Variants in SV2B observed in about 807,000 individuals in gnomAD.
The protein encoded by SV2B is solute carrier family 22 member B2.
A neutral mutation model predicts 73.9 loss-of-function variants in SV2B; 41 were observed. That is an observed-to-expected ratio of 0.56 (90% CI 0.43 to 0.72). The LOEUF (loss-of-function observed/expected upper bound fraction) is 0.72. SV2B is among the 30% of genes least tolerant of loss of function. The pLI is 0.00. For missense variants in SV2B, 764 were observed against 857.8 expected (o/e 0.89, Z 1.37); for synonymous variants, 314 against 314.2 (o/e 1.00, Z 0.01).
chr15:91,209,107 GTTTTTTGTTT>G (rs1392870923), intron 1 of SV2B, among the ~76,000 whole-genome samples: 2,261 of 121,592 alleles, frequency 0.019, 39 homozygotes, highest in African/African-American at 0.077. Context: ...TGGCAGTACT[GTTTTTTGTTT>G]TTTTTTTTTT....
At chr15:91,143,967 C>T (rs901719245) in intron 1 of SV2B, among the ~76,000 whole-genome samples, 7 of 152,124 alleles carry the variant, frequency 4.6e-5, no homozygotes, top group African/African-American at 1.7e-4. Context: ...GCCTTTAAGA[C>T]ACAATACTCT....
chr15:91,282,847 C>A (rs987065980), intron 10 of SV2B, among the ~76,000 whole-genome samples: 12 of 152,180 alleles, frequency 7.9e-5, no homozygotes, highest in Non-Finnish European at 1.2e-4. Flanking sequence ...TTCATTCTGG[C>A]ACTAACCTTC....
chr15:91,270,870 CGGACGGTGAATCTTGTGGATGATGGGA>C (rs2048278991), intron 9 of SV2B, among the ~76,000 whole-genome samples: 4 of 68,508 alleles, frequency 5.8e-5, no homozygotes, highest in African/African-American at 9.9e-5. Context: ...GGATGATGGG[CGGACGGTGAATCTTGTGGATGATGGGA>C]GGACGGTGAG....
chr15:91,210,814 G>C (rs566788859), intron 1 of SV2B, among the ~76,000 whole-genome samples: 2 of 152,242 alleles, frequency 1.3e-5, no homozygotes, highest in African/African-American at 4.8e-5. Context: ...AATATCTTAT[G>C]TGTGAAGAGA....
At position 91,268,966 on chromosome 15, in the gene SV2B, G is replaced by A. The variant is rs1015106236; in HGVS notation, c.1373+361G>A. On this transcript the variant is annotated intron_variant, in intron 9 of 12. Coordinates refer to ENST00000394232, the MANE Select transcript of SV2B (RefSeq NM_001323032.3). This position sits in a 1 kb window ranked among gnomAD's most constrained non-coding sequence, Gnocchi z 4.4. ...GCTGAGATTCCCGAACTAGTCCAAA[G>A]CCTGGGTGTTGAGCTTTTACTTTGA... is the stretch of plus-strand genomic sequence containing the variant. Among the ~76,000 whole-genome samples the A allele has an allele frequency of 2.6e-5, 4 of 152,316 alleles. No homozygotes were observed. The highest frequency in any genetic ancestry group is 4.4e-5 in the Non-Finnish European group (3 of 68,014).
Position 91,130,218 on chromosome 15 carries a change from C to T in SV2B, c.-392+29855C>T, listed in dbSNP as rs979163745. ...GGGCTGAGGAGAGTGAGAGGAGTGA[C>T]ACAGCTGAGGTTCTTAGGTTAGGGC... On this transcript the variant is annotated intron_variant, in intron 1 of 12. Coordinates refer to ENST00000394232, the MANE Select transcript of SV2B (RefSeq NM_001323032.3). The surrounding 1 kb of genome is among the most constrained non-coding windows in gnomAD (Gnocchi z 5.6). Among the ~76,000 whole-genome samples, 3 of 152,116 alleles carry T rather than the reference C, an allele frequency of 2.0e-5. No individual in the cohort carries two copies. The highest frequency in any genetic ancestry group is 7.2e-5 in the African/African-American group (3 of 41,416).
intron 1 of SV2B, among the ~76,000 whole-genome samples, chr15:91,207,900 AG>A (rs1181398307): frequency 6.6e-6 from 1 of 152,196 alleles, no homozygotes; most frequent in African/African-American, 2.4e-5. Context: ...TACCTGTCAC[AG>A]GAGGGCCTTC....
chr15:91,282,219 C>T (rs376909439), intron 10 of SV2B, among the ~76,000 whole-genome samples: 10 of 152,262 alleles, frequency 6.6e-5, no homozygotes, highest in East Asian at 3.9e-4. Flanking sequence ...ATTTTATGCA[C>T]GGAATGCATT....
rs1398750551 is a variant in SV2B at position 91,268,137 on chromosome 15, A to G, written c.1209-304A>G. On this transcript the variant is annotated intron_variant, in intron 8 of 12. Transcript: ENST00000394232. This position sits in a 1 kb window ranked among gnomAD's most constrained non-coding sequence, Gnocchi z 4.4. The stretch of plus-strand genomic sequence containing the variant: ...GTCTTTAGTGTTTCCCTATTCACTA[A>G]GATTCTGGCTGAGACATGTATATTT... 6.6e-6 allele frequency among the ~76,000 whole-genome samples: 1 copy of G among 152,216 alleles called. No individual in the cohort carries two copies. Among genetic ancestry groups the G allele is most frequent in the Admixed American group, 6.5e-5 (1 of 15,286 alleles).
intron 2 of SV2B, among the ~76,000 whole-genome samples, chr15:91,238,246 T>G (rs2046867645): frequency 6.6e-6 from 1 of 152,228 alleles, no homozygotes; most frequent in Non-Finnish European, 1.5e-5. Context: ...AGTTATAATC[T>G]GATAAGCTCT....
intron 1 of SV2B, among the ~76,000 whole-genome samples, chr15:91,168,174 C>T (rs1449194200): frequency 6.6e-6 from 1 of 152,128 alleles, no homozygotes; most frequent in African/African-American, 2.4e-5. Flanking sequence ...TTTGTGATTG[C>T]CCTCACAGTC....
chr15:91,258,923 C>CA lies in SV2B; in HGVS notation c.918+388dup, dbSNP rs3082222. Among the ~76,000 whole-genome samples, 3,569 of 89,128 alleles carry CA rather than the reference C, an allele frequency of 0.04. 73 individuals are homozygous for CA. The highest frequency in any genetic ancestry group is 0.059 in the Non-Finnish European group (2,384 of 40,750). The allele number at this position is 89,128 out of a possible 152,430, so 58.5% of individuals were successfully genotyped here. On this transcript the variant is annotated intron_variant, in intron 5 of 12. Transcript: ENST00000394232. The surrounding 1 kb of genome is among the most constrained non-coding windows in gnomAD (Gnocchi z 4.7). ...GCTACACAGGGAGACCTCATCTCTA[C>CA]AAAAAAAAAAAAAAAAAAATTAGTT...
intron 2 of SV2B, among the ~76,000 whole-genome samples, chr15:91,247,374 G>A (rs952152575): frequency 6.6e-6 from 1 of 152,236 alleles, no homozygotes; most frequent in African/African-American, 2.4e-5. Flanking sequence ...TCATGGGATA[G>A]TCAGGAGACA....
chr15:91,192,181 C>T (rs74715831), intron 1 of SV2B, among the ~76,000 whole-genome samples: 2 of 152,122 alleles, frequency 1.3e-5, no homozygotes, highest in Admixed American at 1.3e-4. Flanking sequence ...CCTTCCATGC[C>T]TAGCAGGAAG....
At chr15:91,262,803 C>T (rs560231690) in intron 6 of SV2B, among the ~76,000 whole-genome samples, 27 of 152,180 alleles carry the variant, frequency 1.8e-4, no homozygotes, top group Non-Finnish European at 3.2e-4. Context: ...CCATCCCCGC[C>T]GACTCTGTGA....
rs2048642101 is a variant in SV2B, at chr15:91,280,241, A to G, written c.1374-1487A>G. ...CTGAGCAGGACATGATAGAGCATGAAGGATAAGGGTCACTGGCCCATTGTA... is the reference window on the plus strand; with the variant it reads ...CTGAGCAGGACATGATAGAGCATGAGGGATAAGGGTCACTGGCCCATTGTA... On this transcript the variant is annotated intron_variant, in intron 9 of 12. Coordinates refer to ENST00000394232, the MANE Select transcript of SV2B (RefSeq NM_001323032.3). This position sits in a 1 kb window ranked among gnomAD's most constrained non-coding sequence, Gnocchi z 5.8. 6.6e-6 allele frequency among the ~76,000 whole-genome samples: 1 copy of G among 152,218 alleles called. No homozygotes were observed. The highest frequency in any genetic ancestry group is 2.4e-5 in the African/African-American group (1 of 41,452).
chr15:91,273,939 A>G (rs2048399818), intron 9 of SV2B, among the ~76,000 whole-genome samples: 1 of 152,196 alleles, frequency 6.6e-6, no homozygotes, highest in South Asian at 2.1e-4. Flanking sequence ...AAATTTAGAT[A>G]AAACCATATT....
At position 91,141,063 on chromosome 15, in the gene SV2B, G is replaced by A. The variant is rs968438604; in HGVS notation, c.-392+40700G>A. Among the ~76,000 whole-genome samples the A allele has an allele frequency of 1.3e-5, 2 of 152,180 alleles. No individual in the cohort carries two copies. The highest frequency in any genetic ancestry group is 2.9e-5 in the Non-Finnish European group (2 of 68,024). On this transcript the variant is annotated intron_variant, in intron 1 of 12. Coordinates refer to ENST00000394232, the MANE Select transcript of SV2B (RefSeq NM_001323032.3). This position sits in a 1 kb window ranked among gnomAD's most constrained non-coding sequence, Gnocchi z 4.6. ...GGTGGCAGGACTTATAGCTAAGAGT[G>A]GCATAGGATCACACTGTTTCTTAAA...
intron 4 of SV2B, among the ~76,000 whole-genome samples, chr15:91,257,655 T>C (rs1469205340): frequency 6.6e-6 from 1 of 152,214 alleles, no homozygotes; most frequent in East Asian, 1.9e-4. Context: ...TGGAATCACC[T>C]GGAGCTGGCA....
Sources: allele counts gnomAD v4.1 joint callset (sites outside exome capture counted in the v4.1 genomes callset), GRCh38; gene constraint gnomAD v4.1.1; non-coding constraint Gnocchi (gnomAD v3.1); transcripts MANE v1.5; gene names NCBI Gene and HGNC (gene_info 2026-07-23, HGNC 2026-07-21).